KCND3: variants seen among roughly 807,000 people sequenced by gnomAD.
The protein encoded by KCND3 is potassium voltage-gated channel subfamily D member 3, also known as A-type voltage-gated potassium channel KCND3.
A neutral mutation model predicts 51.1 loss-of-function variants in KCND3; 9 were observed. The observed-to-expected ratio is 0.18, with a 90% CI of 0.11 to 0.31. KCND3 has a LOEUF of 0.31. Ranked by LOEUF, KCND3 falls within the 10% of genes least tolerant of loss-of-function variation. The pLI, the probability that KCND3 is intolerant of heterozygous loss-of-function variation, is 1.00. For missense variants in KCND3, 526 were observed against 903.8 expected (o/e 0.58, Z 5.36); for synonymous variants, 349 against 368.0 (o/e 0.95, Z 0.59).
intron 2 of KCND3, among the ~76,000 whole-genome samples, chr1:111,948,219 T>C (rs1278563076): frequency 1.3e-5 from 2 of 152,236 alleles, no homozygotes; most frequent in African/African-American, 4.8e-5. Flanking sequence ...CAGAAAGATC[T>C]ATTTCAAGCC....
intron 2 of KCND3, among the ~76,000 whole-genome samples, chr1:111,949,857 C>T (rs1434821723): frequency 1.3e-5 from 2 of 152,168 alleles, no homozygotes; most frequent in East Asian, 3.8e-4. Flanking sequence ...TTACATCACA[C>T]ACATAAACAC....
intron 2 of KCND3, among the ~76,000 whole-genome samples, chr1:111,918,861 C>T (rs1671349006): frequency 6.6e-6 from 1 of 152,124 alleles, no homozygotes; most frequent in Non-Finnish European, 1.5e-5. Context: ...GTTATACCCT[C>T]AAGATTTTGC....
At chr1:111,891,833 CT>C (rs1217728968) in intron 2 of KCND3, among the ~76,000 whole-genome samples, 1 of 152,168 alleles carries the variant, frequency 6.6e-6, no homozygotes, top group Non-Finnish European at 1.5e-5. Flanking sequence ...AAGTCCTCTT[CT>C]TCATTTATTC....
intron 2 of KCND3, among the ~76,000 whole-genome samples, chr1:111,959,243 C>T (rs2101925718): frequency 6.6e-6 from 1 of 152,282 alleles, no homozygotes; most frequent in African/African-American, 2.4e-5. Flanking sequence ...TTCACTCGCT[C>T]CCTCTAACCC....
intron 2 of KCND3, among the ~76,000 whole-genome samples, chr1:111,794,029 A>T (rs2365668): frequency 0.18 from 26,071 of 146,754 alleles, 2,397 homozygotes; most frequent in Admixed American, 0.23. Context: ...TCACACTCAA[A>T]CCCTATCTGG....
At chr1:111,860,934 C>T (rs1434020970) in intron 2 of KCND3, among the ~76,000 whole-genome samples, 1 of 152,194 alleles carries the variant, frequency 6.6e-6, no homozygotes, top group Non-Finnish European at 1.5e-5. Flanking sequence ...ACACTTAGCT[C>T]CCAGCAAGGA....
intron 2 of KCND3, among the ~76,000 whole-genome samples, chr1:111,882,572 G>T (rs1179883004): frequency 6.6e-6 from 1 of 152,252 alleles, no homozygotes; most frequent in Non-Finnish European, 1.5e-5. Flanking sequence ...GTGAGTGAAG[G>T]CTGGGGCCCA....
At chr1:111,840,203 C>G (rs1316434117) in intron 2 of KCND3, among the ~76,000 whole-genome samples, 1 of 152,146 alleles carries the variant, frequency 6.6e-6, no homozygotes, top group Non-Finnish European at 1.5e-5. Flanking sequence ...CTAGAGGCCC[C>G]ACCTCTTAAT....
chr1:111,952,882 C>T (rs1673129280), intron 2 of KCND3, among the ~76,000 whole-genome samples: 1 of 152,190 alleles, frequency 6.6e-6, no homozygotes, highest in South Asian at 2.1e-4. Flanking sequence ...AGCTCTTCCT[C>T]TTGCAGAAGA....
intron 2 of KCND3, among the ~76,000 whole-genome samples, chr1:111,973,361 C>T (rs1451112007): frequency 6.6e-6 from 1 of 152,208 alleles, no homozygotes; most frequent in Non-Finnish European, 1.5e-5. Flanking sequence ...TGGATGACTG[C>T]AAAGGGTAGA....
chr1:111,771,141 CCTG>C lies in KCND3; in HGVS notation c.*4933_*4935del, dbSNP rs1341608680. 6.6e-6 allele frequency: 1 copy of C among 152,236 alleles called. No homozygotes were observed. Among genetic ancestry groups the C allele is most frequent in the South Asian group, 2.1e-4 (1 of 4,828 alleles). 9.4% of individuals were successfully genotyped at this position (152,236 alleles called of 1,614,324 possible). ...GACATCATCCAGTGTAGTTGAGTAACCTGCTAAGATAAATGTCATTCCCACACT... is the reference window on the plus strand; with the variant it reads ...GACATCATCCAGTGTAGTTGAGTAACCTAAGATAAATGTCATTCCCACACT... On this transcript the variant is annotated 3_prime_UTR_variant, in exon 8 of 8. Transcript: ENST00000302127.
intron 2 of KCND3, among the ~76,000 whole-genome samples, chr1:111,948,456 A>G (rs1486421918): frequency 6.6e-6 from 1 of 152,188 alleles, no homozygotes. Flanking sequence ...TCTGGCCCAC[A>G]CTTAAGGATA....
chr1:111,916,690 AC>A (rs1349306880), intron 2 of KCND3, among the ~76,000 whole-genome samples: 1 of 152,216 alleles, frequency 6.6e-6, no homozygotes, highest in Non-Finnish European at 1.5e-5. Flanking sequence ...GATCACCAAT[AC>A]AAGACATGAA....
At chr1:111,837,867 G>A (rs1213155296) in intron 2 of KCND3, among the ~76,000 whole-genome samples, 2 of 152,140 alleles carry the variant, frequency 1.3e-5, no homozygotes, top group African/African-American at 2.4e-5. Context: ...GTGTTGAAGA[G>A]TACTGGTCAG....
At chr1:111,894,702 T>C (rs1186456874) in intron 2 of KCND3, among the ~76,000 whole-genome samples, 2 of 152,140 alleles carry the variant, frequency 1.3e-5, no homozygotes, top group Non-Finnish European at 1.5e-5. Context: ...AATGGCAGGG[T>C]CATCAGGCCA....
chr1:111,839,838 T>A (rs778234034), intron 2 of KCND3, among the ~76,000 whole-genome samples: 1 of 152,242 alleles, frequency 6.6e-6, no homozygotes, highest in Non-Finnish European at 1.5e-5. Context: ...TCCTTACTGT[T>A]AACAGTAACA....
At chr1:111,800,093 AT>A (rs1236557088) in intron 2 of KCND3, among the ~76,000 whole-genome samples, 1 of 149,024 alleles carries the variant, frequency 6.7e-6, no homozygotes, top group Admixed American at 6.7e-5. Context: ...GCTTTGTGGA[AT>A]AGAAAGGCAG....
chr1:111,839,265 G>C (rs894223747), intron 2 of KCND3, among the ~76,000 whole-genome samples: 1 of 152,108 alleles, frequency 6.6e-6, no homozygotes, highest in South Asian at 2.1e-4. Context: ...CAAGTATTTG[G>C]GTCTGGAGTC....
intron 2 of KCND3, among the ~76,000 whole-genome samples, chr1:111,967,350 G>C (rs987988834): frequency 2.6e-5 from 4 of 152,164 alleles, no homozygotes; most frequent in African/African-American, 7.2e-5. Flanking sequence ...CCTTTAAAAA[G>C]CCTCTTGGTC....
Sources: allele counts gnomAD v4.1 joint callset (sites outside exome capture counted in the v4.1 genomes callset), GRCh38; gene constraint gnomAD v4.1.1; transcripts MANE v1.5; gene names NCBI Gene and HGNC (gene_info 2026-07-23, HGNC 2026-07-21).